TLK2: variants seen among roughly 807,000 people sequenced by gnomAD.
TLK2 encodes the protein serine/threonine-protein kinase tousled-like 2.
A neutral mutation model predicts 117.3 loss-of-function variants in TLK2; 6 were observed. The observed-to-expected ratio is 0.05, with a 90% CI of 0.03 to 0.10. TLK2 has a LOEUF of 0.10. Ranked by LOEUF, TLK2 falls within the 10% of genes least tolerant of loss-of-function variation. TLK2 has a pLI of 1.00. For synonymous variants in TLK2, 257 were observed against 316.7 expected, an observed-to-expected ratio of 0.81 and a Z score of 2.00; for missense variants, 299 against 901.2, an observed-to-expected ratio of 0.33 and a Z score of 8.56.
intron 15 of TLK2, among the ~76,000 whole-genome samples, chr17:62,581,781 G>A (rs1052312024): frequency 6.6e-6 from 1 of 152,036 alleles, no homozygotes; most frequent in African/African-American, 2.4e-5. Context: ...TTATAAGTAG[G>A]ATTGGCCCAT....
rs61100480 is a variant in TLK2 at position 62,546,344 on chromosome 17, G to GT, written c.532-5942dup. Among the ~76,000 whole-genome samples, 31 of 23,350 alleles carry GT rather than the reference G, an allele frequency of 1.3e-3. 8 individuals carry two copies. Among genetic ancestry groups the GT allele is most frequent in the East Asian group, 5.6e-3 (2 of 354 alleles). 15.3% of individuals were successfully genotyped at this position (23,350 alleles called of 152,430 possible). On this transcript the variant is annotated intron_variant, in intron 7 of 21. Coordinates refer to ENST00000346027, the MANE Select transcript of TLK2 (RefSeq NM_006852.6). ...GTTCCCTATTTTGAGTTTGTTGATTGTTTTTTTTTTTTTTTTACATAATGA... is the reference window on the plus strand; with the variant it reads ...GTTCCCTATTTTGAGTTTGTTGATTGTTTTTTTTTTTTTTTTTACATAATGA...
chr17:62,582,071 A>G (rs754028538), intron 15 of TLK2, among the ~76,000 whole-genome samples: 19 of 152,138 alleles, frequency 1.2e-4, no homozygotes, highest in Non-Finnish European at 2.5e-4. Context: ...ACATAGCAAG[A>G]CCATGCCTCT....
At chr17:62,512,588 T>G (rs1282498222) in intron 2 of TLK2, among the ~76,000 whole-genome samples, 1 of 152,092 alleles carries the variant, frequency 6.6e-6, no homozygotes, top group Non-Finnish European at 1.5e-5. Flanking sequence ...TAGTCTAATC[T>G]CAAGTTCCTT....
chr17:62,558,645 C>A (rs2079036638), intron 9 of TLK2, among the ~76,000 whole-genome samples: 1 of 152,192 alleles, frequency 6.6e-6, no homozygotes, highest in Admixed American at 6.5e-5. Flanking sequence ...ATTAAATGAT[C>A]TTTGCTTCGT....
chr17:62,593,407 C>A (rs1395006469), intron 16 of TLK2, among the ~76,000 whole-genome samples: 1 of 152,006 alleles, frequency 6.6e-6, no homozygotes, highest in Admixed American at 6.6e-5. Flanking sequence ...TAGAAACTGC[C>A]TTTTTTTAAC....
At chr17:62,488,371 T>G (rs1264590640) in intron 2 of TLK2, among the ~76,000 whole-genome samples, 1 of 151,874 alleles carries the variant, frequency 6.6e-6, no homozygotes, top group African/African-American at 2.4e-5. Flanking sequence ...TTAGAAGCTT[T>G]CAGTTATGAA....
Position 62,539,275 on chromosome 17 carries a change from T to C in TLK2, c.531+2938T>C, listed in dbSNP as rs185716512. Among the ~76,000 whole-genome samples, 4 of 152,254 alleles carry C rather than the reference T, an allele frequency of 2.6e-5. No homozygotes were observed. The East Asian group carries it at 7.7e-4, about 29-fold the overall frequency. The stretch of plus-strand genomic sequence containing the variant: ...TTCCCTTCCAGTATTTCAGAGGATA[T>C]GACCTTCGCATCAGACCTCATCTGA... On this transcript the variant is annotated intron_variant, in intron 7 of 21. Coordinates refer to ENST00000346027, the MANE Select transcript of TLK2 (RefSeq NM_006852.6).
In TLK2 at chr17:62,513,637, T is replaced by A. The variant is rs1347739288; in HGVS notation, c.82-7136T>A. On this transcript the variant is annotated intron_variant, in intron 2 of 21. Transcript: ENST00000346027. ...AGGGGTGAACCCTATTAAATTGCTT[T>A]TATACTTTTGTAAAAAATCAGTTGG... 2.6e-5 allele frequency among the ~76,000 whole-genome samples: 4 copies of A among 152,250 alleles called. No homozygotes were observed. In the East Asian group the frequency reaches 7.7e-4, roughly 29 times the overall value.
chr17:62,569,041 A>G (rs1414698125), intron 11 of TLK2, among the ~76,000 whole-genome samples: 1 of 151,662 alleles, frequency 6.6e-6, no homozygotes, highest in Non-Finnish European at 1.5e-5. Context: ...GGTGTGGCTC[A>G]TGCCTGTAAT....
intron 6 of TLK2, among the ~76,000 whole-genome samples, chr17:62,532,380 C>T (rs556298525): frequency 6.6e-6 from 1 of 152,248 alleles, no homozygotes; most frequent in Non-Finnish European, 1.5e-5. Flanking sequence ...CTCGTTCTCC[C>T]ATGCAGTGAG....
intron 10 of TLK2, among the ~76,000 whole-genome samples, chr17:62,563,870 A>G (rs1337318753): frequency 2.0e-5 from 3 of 152,164 alleles, no homozygotes; most frequent in Middle Eastern, 3.2e-3. Flanking sequence ...TTCTGCAGGG[A>G]GGCAGATCTT....
chr17:62,548,008 G>A (rs1018901134), intron 7 of TLK2, among the ~76,000 whole-genome samples: 4 of 151,952 alleles, frequency 2.6e-5, no homozygotes, highest in Non-Finnish European at 4.4e-5. Flanking sequence ...TTGCATTATG[G>A]GTAATTAAAG....
intron 2 of TLK2, among the ~76,000 whole-genome samples, chr17:62,485,124 A>C (rs576861638): frequency 3.0e-4 from 45 of 152,248 alleles, no homozygotes; most frequent in Non-Finnish European, 6.2e-4. Flanking sequence ...TGCAGCTCCA[A>C]ATAAGAGAGC....
chr17:62,537,579 G>A (rs2077200338), intron 7 of TLK2, among the ~76,000 whole-genome samples: 2 of 152,156 alleles, frequency 1.3e-5, no homozygotes, highest in African/African-American at 4.8e-5. Flanking sequence ...GTGTAGGTGT[G>A]TGTGTGCAAC....
At chr17:62,525,002 A>G (rs2076276548) in intron 6 of TLK2, among the ~76,000 whole-genome samples, 1 of 152,212 alleles carries the variant, frequency 6.6e-6, no homozygotes. Flanking sequence ...CTGGTCCAAA[A>G]TATCAGTGGT....
At chr17:62,476,237 C>T (rs1019646602), upstream of TLK2, among the ~76,000 whole-genome samples, 4 of 152,074 alleles carry the variant, frequency 2.6e-5, no homozygotes, top group African/African-American at 9.6e-5. Flanking sequence ...GCCTTAGCCT[C>T]CCAGAGTGCT....
intron 1 of TLK2, among the ~76,000 whole-genome samples, chr17:62,471,374 C>T (rs1297467483): frequency 6.6e-6 from 1 of 152,238 alleles, no homozygotes; most frequent in Non-Finnish European, 1.5e-5. Flanking sequence ...AGTGAAGTGA[C>T]TTCCTGTCTT....
chr17:62,485,668 C>G (rs1212139739), intron 2 of TLK2, among the ~76,000 whole-genome samples: 4 of 138,220 alleles, frequency 2.9e-5, no homozygotes, highest in Admixed American at 7.5e-5. Flanking sequence ...CTGTCATGAA[C>G]TGATGAGGGG....
chr17:62,569,559 C>T (rs2080102561), intron 11 of TLK2, among the ~76,000 whole-genome samples: 1 of 150,242 alleles, frequency 6.7e-6, no homozygotes. Flanking sequence ...CCTCAACCTC[C>T]TGAGTAGCTG....
Sources: gnomAD v4.1 joint callset for allele counts (sites outside exome capture counted in the v4.1 genomes callset) on GRCh38, gnomAD v4.1.1 for gene constraint, MANE v1.5 for transcripts, NCBI Gene and HGNC (gene_info 2026-07-23, HGNC 2026-07-21) for gene names.